Variants in AKAP6 observed in about 807,000 individuals in gnomAD.
The protein encoded by AKAP6 is A-kinase anchor protein 6.
AKAP6 carries 58 observed loss-of-function variants against 188.5 expected under a neutral mutation model. The ratio of observed to expected loss-of-function variants is 0.31; its 90% CI spans 0.25 to 0.38. The LOEUF (loss-of-function observed/expected upper bound fraction) is 0.38. Among genes scored for constraint, AKAP6 ranks in the 10% least tolerant of loss-of-function variants. The probability of loss-of-function intolerance (pLI) is 1.00; values close to 1 mark genes in which losing one functional copy is unlikely to be tolerated. For missense variants in AKAP6, 2,710 were observed against 2,740.0 expected (o/e 0.99, Z 0.24); for synonymous variants, 989 against 998.6 (o/e 0.99, Z 0.18).
intron 1 of AKAP6, among the ~76,000 whole-genome samples, chr14:32,429,406 T>G (rs1325265323): frequency 1.3e-5 from 2 of 152,346 alleles, no homozygotes; most frequent in African/African-American, 4.8e-5. Context: ...ACAAAGACTG[T>G]TACTATACGT....
chr14:32,675,804 G>A (rs151165154), intron 7 of AKAP6, among the ~76,000 whole-genome samples: 26 of 152,258 alleles, frequency 1.7e-4, no homozygotes, highest in African/African-American at 5.8e-4. Context: ...ACTATTTTTC[G>A]AGTTACTCTC....
At chr14:32,735,968 A>T in intron 11 of AKAP6, 86 bp downstream of exon 11, 1 of 1,034,876 alleles carries the variant, frequency 9.7e-7, no homozygotes, top group Non-Finnish European at 1.4e-6. Flanking sequence ...TATTATACCC[A>T]TGTATCTGTG....
At chr14:32,476,286 C>G (rs1430041651) in intron 2 of AKAP6, among the ~76,000 whole-genome samples, 1 of 152,100 alleles carries the variant, frequency 6.6e-6, no homozygotes, top group Non-Finnish European at 1.5e-5. Flanking sequence ...TTTTAAAAAT[C>G]TTTATCCATA....
intron 2 of AKAP6, among the ~76,000 whole-genome samples, chr14:32,471,069 A>G (rs1278572848): frequency 1.3e-5 from 2 of 152,348 alleles, no homozygotes; most frequent in East Asian, 1.9e-4. Context: ...CAAATTTATA[A>G]CTATGATAAA....
intron 12 of AKAP6, among the ~76,000 whole-genome samples, chr14:32,807,913 T>C (rs184133979): frequency 6.6e-6 from 1 of 152,336 alleles, no homozygotes; most frequent in Admixed American, 6.5e-5. Context: ...GTTTTTACGC[T>C]TGAGAAAGAG....
chr14:32,814,088 A>G (rs1319587710), intron 12 of AKAP6, among the ~76,000 whole-genome samples: 1 of 152,142 alleles, frequency 6.6e-6, no homozygotes, highest in Non-Finnish European at 1.5e-5. Flanking sequence ...TTTCAACTCA[A>G]ATTTTGCCAG....
At chr14:32,406,940 A>G (rs778822537) in intron 1 of AKAP6, among the ~76,000 whole-genome samples, 2 of 152,240 alleles carry the variant, frequency 1.3e-5, no homozygotes, top group Admixed American at 6.5e-5. Flanking sequence ...ATAATTCTAC[A>G]TAACAAATGA....
chr14:32,596,376 G>T (rs1190297388), intron 5 of AKAP6, among the ~76,000 whole-genome samples: 1 of 152,120 alleles, frequency 6.6e-6, no homozygotes, highest in Non-Finnish European at 1.5e-5. Flanking sequence ...GTTTGGTCCT[G>T]CCAATAAGTA....
intron 11 of AKAP6, among the ~76,000 whole-genome samples, chr14:32,745,840 C>T (rs1422246659): frequency 6.6e-6 from 1 of 152,154 alleles, no homozygotes; most frequent in African/African-American, 2.4e-5. Flanking sequence ...AGAAGTCTAC[C>T]AGGTGTTCTG....
chr14:32,821,847 T>C lies in AKAP6; in HGVS notation c.4034T>C (p.Leu1345Ser), dbSNP rs1248291766. The C allele has an allele frequency of 1.2e-6, 2 of 1,613,908 alleles. No individual in the cohort carries two copies. Among genetic ancestry groups the C allele is most frequent in the Non-Finnish European group, 1.7e-6 (2 of 1,179,932 alleles). The change falls in exon 13 of 14, where the codon TTG (leucine) becomes TCG (serine). Residue 1345 changes from leucine (L) to serine (S), a missense_variant. Leu to Ser is a moderately radical substitution (Grantham distance 145). Transcript: ENST00000280979. Reference protein sequence around the residue: ...SLPDLLGGSNLVKPCACHGGD... With the variant: ...SLPDLLGGSNSVKPCACHGGD... ...CCAGATCTTCTAGGTGGTTCCAATT[T>C]GGTAAAGCCCTGCGCATGTCATGGA...
At chr14:32,664,851 T>C (rs1200995627) in intron 7 of AKAP6, among the ~76,000 whole-genome samples, 1 of 152,072 alleles carries the variant, frequency 6.6e-6, no homozygotes, top group Non-Finnish European at 1.5e-5. Flanking sequence ...CAGGCATAGA[T>C]AAGAGAGGTA....
At chr14:32,377,561 G>T (rs541550177) in intron 1 of AKAP6, among the ~76,000 whole-genome samples, 39 of 152,250 alleles carry the variant, frequency 2.6e-4, no homozygotes, top group Middle Eastern at 3.4e-3. Flanking sequence ...AGAAAGGCCA[G>T]CTATGAGTAC....
At chr14:32,752,909 G>A (rs2032192644) in intron 11 of AKAP6, among the ~76,000 whole-genome samples, 1 of 152,086 alleles carries the variant, frequency 6.6e-6, no homozygotes, top group Non-Finnish European at 1.5e-5. Flanking sequence ...GTGTGTGTAA[G>A]TGTGTGTATG....
chr14:32,759,117 T>TA (rs1396094249), intron 11 of AKAP6, among the ~76,000 whole-genome samples: 1 of 152,218 alleles, frequency 6.6e-6, no homozygotes, highest in Non-Finnish European at 1.5e-5. Flanking sequence ...TGGCCTAACT[T>TA]ATCTCTTTTA....
intron 11 of AKAP6, among the ~76,000 whole-genome samples, chr14:32,752,610 A>G (rs1212829081): frequency 6.6e-6 from 1 of 152,126 alleles, no homozygotes; most frequent in Non-Finnish European, 1.5e-5. Context: ...CCATCACCTC[A>G]TATACTTGTC....
intron 4 of AKAP6, among the ~76,000 whole-genome samples, chr14:32,558,286 A>AAATG: frequency 6.6e-6 from 1 of 151,518 alleles, no homozygotes; most frequent in Non-Finnish European, 1.5e-5. Context: ...GCACAATCTA[A>AAATG]AATTTTGTTT....
At chr14:32,471,788 T>C (rs944126790) in intron 2 of AKAP6, among the ~76,000 whole-genome samples, 3 of 152,192 alleles carry the variant, frequency 2.0e-5, no homozygotes, top group African/African-American at 4.8e-5. Context: ...CTGTTGACAT[T>C]GCTTCTAGAC....
At chr14:32,824,987 GA>G (rs11438269) in intron 13 of AKAP6, among the ~76,000 whole-genome samples, 172 bp downstream of exon 13, 11 of 145,436 alleles carry the variant, frequency 7.6e-5, no homozygotes, top group East Asian at 2.0e-4. Flanking sequence ...TGAAGCAAAA[GA>G]AAAAAAAAAC....
intron 4 of AKAP6, among the ~76,000 whole-genome samples, chr14:32,559,568 G>T (rs1237519027): frequency 6.6e-6 from 1 of 152,080 alleles, no homozygotes; most frequent in East Asian, 1.9e-4. Context: ...AGTTTAAGAA[G>T]GTTAATCTGA....
Sources: gnomAD v4.1 joint callset for allele counts (sites outside exome capture counted in the v4.1 genomes callset) on GRCh38, gnomAD v4.1.1 for gene constraint, MANE v1.5 for transcripts, NCBI Gene and HGNC (gene_info 2026-07-23, HGNC 2026-07-21) for gene names.